Variants in DOCK7 observed in about 807,000 individuals in gnomAD.
DOCK7 encodes dedicator of cytokinesis protein 7.
DOCK7 carries 138 observed loss-of-function variants against 271.0 expected under a neutral mutation model. The ratio of observed to expected loss-of-function variants is 0.51; its 90% CI spans 0.44 to 0.59. The LOEUF is 0.59. Among genes scored for constraint, DOCK7 ranks in the 20% least tolerant of loss-of-function variants. The pLI is 0.00. For missense variants in DOCK7, 2,066 were observed against 2,592.4 expected, an observed-to-expected ratio of 0.80 and a Z score of 4.41; for synonymous variants, 823 against 876.1, an observed-to-expected ratio of 0.94 and a Z score of 1.07.
chr1:62,471,460 G>A (rs1645828576), intron 48 of DOCK7, among the ~76,000 whole-genome samples: 1 of 152,062 alleles, frequency 6.6e-6, no homozygotes, highest in Non-Finnish European at 1.5e-5. Context: ...CCAAGAGTTC[G>A]AGACCAGCCA....
Position 62,663,031 on chromosome 1 carries a change from G to A in DOCK7, c.138C>T (p.His46=). The part of the protein sequence containing the change: ...NLNIVGNISH[H]TTVPLTEAVD... ...TTTTGAATACGTTACTTACTGTGGT[G>A]TGATGGGATATATTGCCAACAATAT... is the stretch of plus-strand genomic sequence containing the variant. The change falls in exon 2 of 50, where the codon CAC becomes CAT. Residue 46 remains histidine (H), a synonymous_variant. Transcript: ENST00000635253. 6.2e-7 allele frequency: 1 copy of A among 1,610,314 alleles called. No homozygotes were observed. Among genetic ancestry groups the A allele is most frequent in the Non-Finnish European group, 8.5e-7 (1 of 1,176,808 alleles).
At chr1:62,593,788 T>C (rs1158547048) in intron 14 of DOCK7, among the ~76,000 whole-genome samples, 7 of 152,166 alleles carry the variant, frequency 4.6e-5, no homozygotes, top group Non-Finnish European at 8.8e-5. Flanking sequence ...TGGTTCTAAC[T>C]GAGATATGTT....
At chr1:62,521,746 C>T (rs536871491) in intron 31 of DOCK7, among the ~76,000 whole-genome samples, 1 of 152,038 alleles carries the variant, frequency 6.6e-6, no homozygotes, top group Non-Finnish European at 1.5e-5. Flanking sequence ...GAGACTGAGG[C>T]GGGGGGATCA....
chr1:62,636,640 A>G (rs1056000743), intron 7 of DOCK7, 37 bp from the exon 8 acceptor site: 10 of 1,489,132 alleles, frequency 6.7e-6, no homozygotes, highest in Non-Finnish European at 9.2e-6. Context: ...TTTAAAGATA[A>G]ACATGAAATA....
At chr1:62,659,552 C>T (rs1454630222) in intron 2 of DOCK7, among the ~76,000 whole-genome samples, 1 of 151,986 alleles carries the variant, frequency 6.6e-6, no homozygotes, top group Non-Finnish European at 1.5e-5. Context: ...AGAGTAACAA[C>T]ATTAAATTAC....
intron 18 of DOCK7, among the ~76,000 whole-genome samples, chr1:62,568,060 C>T (rs934030174): frequency 6.6e-6 from 1 of 152,180 alleles, no homozygotes; most frequent in Non-Finnish European, 1.5e-5. Context: ...AACAGTCTCT[C>T]AGACCACAGA....
At position 62,476,039 on chromosome 1, in the gene DOCK7, T is replaced by C. The variant is rs376278149; in HGVS notation, c.5724+28A>G. 6.6e-4 allele frequency: 1,062 copies of C among 1,602,534 alleles called. 1 individual carries two copies. Among genetic ancestry groups the C allele is most frequent in the Non-Finnish European group, 8.5e-4 (992 of 1,171,184 alleles). On this transcript the variant is annotated intron_variant, in intron 45 of 49. Transcript: ENST00000635253. ...ACAGAGGATTTCAAAGAGATGTCTA[T>C]ATGTCATTATAGTCGAATCAACTAT...
intron 17 of DOCK7, among the ~76,000 whole-genome samples, chr1:62,578,058 G>A (rs1273212517): frequency 1.3e-5 from 2 of 151,978 alleles, no homozygotes; most frequent in Non-Finnish European, 2.9e-5. Flanking sequence ...CTAGCAGCTG[G>A]GATCACAGGT....
At chr1:62,516,421 T>C (rs1440452236) in intron 31 of DOCK7, among the ~76,000 whole-genome samples, 1 of 152,188 alleles carries the variant, frequency 6.6e-6, no homozygotes, top group African/African-American at 2.4e-5. Context: ...AAGACATTGA[T>C]AGCAAGGACC....
intron 14 of DOCK7, among the ~76,000 whole-genome samples, chr1:62,588,025 A>G (rs1325904327): frequency 6.6e-6 from 1 of 152,136 alleles, no homozygotes; most frequent in Non-Finnish European, 1.5e-5. Flanking sequence ...CAATAAGCAC[A>G]CCAACTAGAA....
intron 48 of DOCK7, among the ~76,000 whole-genome samples, chr1:62,471,921 A>T (rs1645841388): frequency 6.6e-6 from 1 of 152,200 alleles, no homozygotes. Context: ...TTAAACTTTA[A>T]TTGAAAAATA....
At chr1:62,520,752 G>T (rs1424291856) in intron 31 of DOCK7, among the ~76,000 whole-genome samples, 1 of 151,966 alleles carries the variant, frequency 6.6e-6, no homozygotes, top group African/African-American at 2.4e-5. Flanking sequence ...TCCATTACTG[G>T]GTATATACCC....
intron 20 of DOCK7, among the ~76,000 whole-genome samples, chr1:62,556,708 A>G (rs541717097): frequency 6.6e-6 from 1 of 152,332 alleles, no homozygotes; most frequent in East Asian, 1.9e-4. Context: ...TTTGAGCAAT[A>G]GGATCTTAGA....
At chr1:62,614,182 T>C (rs1022357410) in intron 14 of DOCK7, among the ~76,000 whole-genome samples, 2 of 152,064 alleles carry the variant, frequency 1.3e-5, no homozygotes, top group South Asian at 2.1e-4. Context: ...AGCATAACCA[T>C]TCAGTTAGCA....
At chr1:62,615,291 C>T (rs1652301848) in intron 14 of DOCK7, among the ~76,000 whole-genome samples, 1 of 151,774 alleles carries the variant, frequency 6.6e-6, no homozygotes, top group African/African-American at 2.4e-5. Flanking sequence ...CTAATTTTCT[C>T]TACTTCACTG....
chr1:62,550,803 C>T (rs1645869826), intron 22 of DOCK7, among the ~76,000 whole-genome samples: 1 of 146,118 alleles, frequency 6.8e-6, no homozygotes, highest in Non-Finnish European at 1.5e-5. Context: ...TCCCTGCAAC[C>T]TCCGCCTCCC....
chr1:62,502,475 A>C (rs1646811983), intron 37 of DOCK7, among the ~76,000 whole-genome samples: 1 of 152,222 alleles, frequency 6.6e-6, no homozygotes. Context: ...GACCAATGAG[A>C]CAAATAAATA....
intron 46 of DOCK7, 135 bp from the exon 47 acceptor site, chr1:62,475,486 G>A: frequency 1.7e-6 from 2 of 1,208,442 alleles, no homozygotes; most frequent in South Asian, 3.3e-5. Flanking sequence ...TCCAAACTTG[G>A]ATTCCTAAAT....
intron 1 of DOCK7, among the ~76,000 whole-genome samples, chr1:62,673,449 T>C (rs1660220301): frequency 6.6e-6 from 1 of 152,186 alleles, no homozygotes; most frequent in Non-Finnish European, 1.5e-5. Flanking sequence ...CTGCTCCCTA[T>C]TTCATGGAAC....
Sources: allele counts gnomAD v4.1 joint callset (sites outside exome capture counted in the v4.1 genomes callset), GRCh38; gene constraint gnomAD v4.1.1; transcripts MANE v1.5; gene names NCBI Gene and HGNC (gene_info 2026-07-23, HGNC 2026-07-21).